SKOR2: variants seen among roughly 807,000 people sequenced by gnomAD.
The protein encoded by SKOR2 is LBX1 corepressor 1-like protein.
SKOR2 carries 47 observed loss-of-function variants against 69.1 expected under a neutral mutation model. The ratio of observed to expected loss-of-function variants is 0.68; its 90% CI spans 0.54 to 0.87. The LOEUF (loss-of-function observed/expected upper bound fraction) is 0.87, where lower values mean the gene tolerates loss of function less well. Among genes scored for constraint, SKOR2 ranks in the 40% least tolerant of loss-of-function variants. SKOR2 has a pLI of 0.00. For synonymous variants in SKOR2, 717 were observed against 672.6 expected (o/e 1.07, Z -1.02); for missense variants, 1,404 against 1,472.2 (o/e 0.95, Z 0.76).
intron 8 of SKOR2, 87 bp downstream of exon 8, chr18:47,211,999 G>T (rs946641849): frequency 1.7e-6 from 2 of 1,167,726 alleles, no homozygotes; most frequent in African/African-American, 1.6e-5. Flanking sequence ...AATCCCTTGG[G>T]CTATTTCAAA....
intron 4 of SKOR2, among the ~76,000 whole-genome samples, chr18:47,237,258 A>G (rs2064228067): frequency 6.6e-6 from 1 of 152,238 alleles, no homozygotes; most frequent in Admixed American, 6.5e-5. Context: ...ATGCTCCAAT[A>G]GAAAATAAGT....
intron 8 of SKOR2, 60 bp from the exon 9 acceptor site, chr18:47,206,952 A>C (rs1478221399): frequency 6.6e-6 from 1 of 152,220 alleles, no homozygotes; most frequent in Non-Finnish European, 1.5e-5. Context: ...GATAATTTTA[A>C]AACATTTAAA....
At chr18:47,225,876 C>A (rs1331964482) in intron 6 of SKOR2, among the ~76,000 whole-genome samples, 1 of 152,062 alleles carries the variant, frequency 6.6e-6, no homozygotes, top group East Asian at 1.9e-4. Context: ...GGGGGAGGGG[C>A]ACACAATTAT....
chr18:47,219,967 T>G lies in SKOR2; in HGVS notation c.2961A>C (p.Glu987Asp). 1 of 1,536,258 alleles carries G rather than the reference T, an allele frequency of 6.5e-7. No individual in the cohort carries two copies. The highest frequency in any genetic ancestry group is 1.2e-5 in the South Asian group (1 of 84,050). Residue 987 changes from glutamate (E) to aspartate (D), a missense_variant, in exon 7 of 9, where the codon GAA (glutamate) becomes GAC (aspartate). Physicochemically the swap from Glu to Asp is conservative, Grantham distance 45. Around this residue, in one of 3 missense-constraint regions of SKOR2, gnomAD observed 1,266 missense variants for 1,309.9 expected, o/e 0.97. Coordinates refer to ENST00000425639, the MANE Select transcript of SKOR2 (RefSeq NM_001278063.4). ...CAATTTGTAACTGTTGCACCATTTCTTCTCGGTAGGCTAGCTCCCTTTTCA... is the reference window on the plus strand; with the variant it reads ...CAATTTGTAACTGTTGCACCATTTCGTCTCGGTAGGCTAGCTCCCTTTTCA... The part of the protein sequence containing the change: ...DQMKRELAYR[E>D]EMVQQLQIIP...
At chr18:47,210,710 A>T (rs1185722815) in intron 8 of SKOR2, among the ~76,000 whole-genome samples, 1 of 152,202 alleles carries the variant, frequency 6.6e-6, no homozygotes, top group East Asian at 1.9e-4. Context: ...AATATATAGA[A>T]CAGAGCCAAC....
Position 47,246,921 on chromosome 18 carries a change from C to T in SKOR2, c.2263G>A (p.Glu755Lys). ...DVEGHKPPEG[E>K]EEEEGRDPDD... is the part of the protein sequence containing the mutation. ...GGGTCTCGACCTTCCTCCTCTTCCTCGCCCTCGGGGGGCTTGTGGCCCTCC... is the reference window on the plus strand; with the variant it reads ...GGGTCTCGACCTTCCTCCTCTTCCTTGCCCTCGGGGGGCTTGTGGCCCTCC... Residue 755 changes from glutamate to lysine, a missense_variant, in exon 2 of 9, where the codon GAG becomes AAG. Glu to Lys is a moderately conservative substitution (Grantham distance 56). This residue lies in a region of SKOR2 where 1,266 missense variants were observed against 1,309.9 expected (regional missense o/e 0.97). Transcript: ENST00000425639. 1 of 1,494,936 alleles carries T rather than the reference C, an allele frequency of 6.7e-7. No homozygotes were observed. The highest frequency in any genetic ancestry group is 8.9e-7 in the Non-Finnish European group (1 of 1,128,754). The allele number at this position is 1,494,936 out of a possible 1,614,324, so 92.6% of individuals were successfully genotyped here. A position where few individuals can be genotyped will look rare whatever the true frequency, so the allele number is the denominator to read the frequency against.
chr18:47,250,711 A>T (rs1416895442), intron 1 of SKOR2, among the ~76,000 whole-genome samples: 1 of 152,160 alleles, frequency 6.6e-6, no homozygotes, highest in African/African-American at 2.4e-5. Context: ...GGCGGCCTCC[A>T]GGAAGCTTGA....
intron 4 of SKOR2, among the ~76,000 whole-genome samples, chr18:47,237,282 G>A (rs1299081635): frequency 2.0e-5 from 3 of 152,172 alleles, no homozygotes; most frequent in Admixed American, 6.5e-5. Flanking sequence ...GTTCTCATCT[G>A]ACATTTTGAA....
chr18:47,217,582 C>T (rs1329102801), intron 7 of SKOR2, among the ~76,000 whole-genome samples: 1 of 152,160 alleles, frequency 6.6e-6, no homozygotes, highest in Non-Finnish European at 1.5e-5. Flanking sequence ...ATTAAGAGGA[C>T]TGCTATATGA....
At chr18:47,218,671 C>T (rs1443222261) in intron 7 of SKOR2, among the ~76,000 whole-genome samples, 3 of 151,156 alleles carry the variant, frequency 2.0e-5, no homozygotes, top group East Asian at 1.9e-4. Context: ...TCCCCTACAT[C>T]GAATCTTTTA....
At chr18:47,209,582 A>T (rs2064121968) in intron 8 of SKOR2, among the ~76,000 whole-genome samples, 1 of 152,228 alleles carries the variant, frequency 6.6e-6, no homozygotes, top group Non-Finnish European at 1.5e-5. Flanking sequence ...AAGGATGGAA[A>T]CAAAATCAGC....
intron 6 of SKOR2, among the ~76,000 whole-genome samples, chr18:47,228,704 G>A (rs1346963495): frequency 6.6e-6 from 1 of 152,172 alleles, no homozygotes; most frequent in African/African-American, 2.4e-5. Context: ...GCAAGGAACT[G>A]TGCAGTCTTT....
chr18:47,233,447 G>C (rs968720897), intron 4 of SKOR2, among the ~76,000 whole-genome samples: 7 of 152,202 alleles, frequency 4.6e-5, no homozygotes, highest in Non-Finnish European at 8.8e-5. Context: ...ATAGTATTTT[G>C]AGATGAAGAT....
intron 2 of SKOR2, among the ~76,000 whole-genome samples, chr18:47,246,035 C>G (rs2064271496): frequency 6.6e-6 from 1 of 152,060 alleles, no homozygotes; most frequent in Non-Finnish European, 1.5e-5. Context: ...AAGATCCTGT[C>G]TTTTGTTTCA....
Position 47,247,186 on chromosome 18 carries a change from G to A in SKOR2, c.1998C>T (p.His666=), listed in dbSNP as rs952844576. ...HHHHPHHHHH[H]HHPPQPPSPL... ...GCGACGGCGGCTGCGGGGGGTGGTG[G>A]TGGTGGTGGTGGTGGTGAGGGTGGT... Residue 666 remains histidine, a synonymous_variant, in exon 2 of 9, where the codon CAC becomes CAT. Coordinates refer to ENST00000425639, the MANE Select transcript of SKOR2 (RefSeq NM_001278063.4). This position sits in a 1 kb window ranked among gnomAD's most constrained non-coding sequence, Gnocchi z 6.6. 2.2e-5 allele frequency: 29 copies of A among 1,341,432 alleles called. No individual in the cohort carries two copies. Among genetic ancestry groups the A allele is most frequent in the Non-Finnish European group, 2.7e-5 (28 of 1,048,532 alleles). 83.1% of individuals were successfully genotyped at this position (1,341,432 alleles called of 1,614,324 possible). A position where few individuals can be genotyped will look rare whatever the true frequency, so the allele number is the denominator to read the frequency against.
chr18:47,245,747 A>C (rs1305134395), intron 2 of SKOR2, among the ~76,000 whole-genome samples, 186 bp from the exon 3 acceptor site: 1 of 152,146 alleles, frequency 6.6e-6, no homozygotes, highest in African/African-American at 2.4e-5. Flanking sequence ...GTATATCTAC[A>C]CTATTATCCT....
rs1391210286 is a variant in SKOR2, at chr18:47,247,878, C to A, written c.1306G>T (p.Gly436Cys). ...DAGAAAEALG[G>C]AGAGGAGAAP... ...GCGCCCGCGCCGCCTGCGCCCGCGC[C>A]CCCCAGGGCCTCAGCGGCGGCACCC... is the stretch of plus-strand genomic sequence containing the variant. The change falls in exon 2 of 9, where the codon GGC becomes TGC. Residue 436 changes from glycine (G) to cysteine (C), a missense_variant. Around this residue, in one of 3 missense-constraint regions of SKOR2, gnomAD observed 1,266 missense variants for 1,309.9 expected, o/e 0.97. Transcript: ENST00000425639. The surrounding 1 kb of genome is among the most constrained non-coding windows in gnomAD (Gnocchi z 6.6). 1 of 1,356,176 alleles carries A rather than the reference C, an allele frequency of 7.4e-7. No homozygotes were observed. Among genetic ancestry groups the A allele is most frequent in the East Asian group, 3.1e-5 (1 of 32,048 alleles). The allele number at this position is 1,356,176 out of a possible 1,614,324, so 84.0% of individuals were successfully genotyped here.
chr18:47,236,163 A>T (rs1012567624), intron 4 of SKOR2, among the ~76,000 whole-genome samples: 1 of 151,598 alleles, frequency 6.6e-6, no homozygotes, highest in Admixed American at 6.6e-5. Context: ...TTTTTTCTGT[A>T]TTTTTTTTGT....
intron 1 of SKOR2, among the ~76,000 whole-genome samples, chr18:47,249,752 T>A (rs1245292024): frequency 6.6e-6 from 1 of 152,212 alleles, no homozygotes; most frequent in Non-Finnish European, 1.5e-5. Context: ...CTTGGGGAAA[T>A]TCATTATTGG....
Sources: allele counts gnomAD v4.1 joint callset (sites outside exome capture counted in the v4.1 genomes callset), GRCh38; gene constraint gnomAD v4.1.1; regional missense constraint gnomAD v4.1.1; non-coding constraint Gnocchi (gnomAD v3.1); transcripts MANE v1.5; gene names NCBI Gene and HGNC (gene_info 2026-07-23, HGNC 2026-07-21).